Variants in MRPL34 observed in about 807,000 individuals in gnomAD.
MRPL34 encodes large ribosomal subunit protein bL34m.
In MRPL34, 8 loss-of-function variants were observed where a neutral mutation model predicts 6.7. The observed-to-expected ratio is 1.20, with a 90% confidence interval of 0.70 to 2.16. MRPL34 has a LOEUF of 2.16. Among genes scored for constraint, MRPL34 ranks in the 30% most tolerant of loss-of-function variants. The pLI, the probability that MRPL34 is intolerant of heterozygous loss-of-function variation, is 0.00. For synonymous variants in MRPL34, 59 were observed against 55.1 expected, an observed-to-expected ratio of 1.07 and a Z score of -0.31; for missense variants, 146 against 125.5, an observed-to-expected ratio of 1.16 and a Z score of -0.78.
chr19:17,295,852 C>G (rs184907187), intron 1 of MRPL34, among the ~76,000 whole-genome samples: 43 of 152,294 alleles, frequency 2.8e-4, no homozygotes, highest in Non-Finnish European at 5.0e-4. Context: ...GGACTACAGG[C>G]ATGTGCCACC....
At position 17,306,198 on chromosome 19, in the gene MRPL34, C is replaced by G; in HGVS notation, c.98C>G (p.Pro33Arg). 3 of 1,547,346 alleles carry G rather than the reference C, an allele frequency of 1.9e-6. No individual in the cohort carries two copies. Among genetic ancestry groups the G allele is most frequent in the Non-Finnish European group, 2.6e-6 (3 of 1,147,438 alleles). ...CAGCCCCGGGCCTGGCTGGGGTTCCCAGACGCCTGGGGCCTCCCCACCCCG... is the reference window on the plus strand; with the variant it reads ...CAGCCCCGGGCCTGGCTGGGGTTCCGAGACGCCTGGGGCCTCCCCACCCCG... Reference protein sequence around the residue: ...WLQPRAWLGFPDAWGLPTPQQ... With the variant: ...WLQPRAWLGFRDAWGLPTPQQ... Residue 33 changes from proline to arginine, a missense_variant, in exon 2 of 2, where the codon CCA becomes CGA. Transcript: ENST00000252602.
At chr19:17,303,357 G>A (rs957345706), upstream of MRPL34, 4 of 152,260 alleles carry the variant, frequency 2.6e-5, no homozygotes, top group African/African-American at 4.8e-5. Context: ...GTGCGTCTAC[G>A]CGGGCGGGCA....
upstream of MRPL34, among the ~76,000 whole-genome samples, chr19:17,301,932 T>A (rs564047265): frequency 2.0e-5 from 3 of 152,256 alleles, no homozygotes; most frequent in Non-Finnish European, 4.4e-5. Context: ...TAGCTGGGAT[T>A]ATAGGCAGGT....
chr19:17,301,536 G>C (rs1164510718), upstream of MRPL34: 4 of 1,609,984 alleles, frequency 2.5e-6, no homozygotes, highest in Non-Finnish European at 3.4e-6. Flanking sequence ...CGCTGGACTC[G>C]ACGCTCTCCA....
At chr19:17,299,239 C>CA (rs1157758593), upstream of MRPL34, among the ~76,000 whole-genome samples, 2 of 144,252 alleles carry the variant, frequency 1.4e-5, no homozygotes, top group Non-Finnish European at 3.1e-5. Flanking sequence ...ATGAGACCCC[C>CA]CCCCCATTCT....
At chr19:17,292,619 C>A (rs1006058450) in exon 1 of MRPL34, 5 of 1,563,340 alleles carry the variant, frequency 3.2e-6, no homozygotes, top group Non-Finnish European at 4.3e-6. Flanking sequence ...CCTCCTCCTG[C>A]TGCGGCTGTG....
chr19:17,304,127 G>A (rs976164001), upstream of MRPL34, among the ~76,000 whole-genome samples: 3 of 152,228 alleles, frequency 2.0e-5, no homozygotes, highest in East Asian at 5.8e-4. Context: ...GGAAAGTCTT[G>A]GAGCTGTGGG....
intron 1 of MRPL34, among the ~76,000 whole-genome samples, chr19:17,295,153 C>T (rs1482620385): frequency 2.3e-5 from 3 of 132,522 alleles, no homozygotes; most frequent in Non-Finnish European, 4.6e-5. Flanking sequence ...GGCCGGACTG[C>T]GGACTGCAGT....
chr19:17,301,316 C>T, upstream of MRPL34: 1 of 1,607,422 alleles, frequency 6.2e-7, no homozygotes, highest in South Asian at 1.1e-5. Context: ...AGGAGGTCGG[C>T]TCGAGGGGCT....
At position 17,306,261 on chromosome 19, in the gene MRPL34, A is replaced by G. The variant is rs372170364; in HGVS notation, c.161A>G (p.Gln54Arg). 9 of 1,601,324 alleles carry G rather than the reference A, an allele frequency of 5.6e-6. No individual in the cohort carries two copies. The highest frequency in any genetic ancestry group is 7.7e-6 in the Non-Finnish European group (9 of 1,174,880). The change falls in exon 2 of 2, where the codon CAG (glutamine) becomes CGG (arginine). Residue 54 changes from glutamine (Q) to arginine (R), a missense_variant. By Grantham distance (43) the Gln-to-Arg change is conservative. Coordinates refer to ENST00000252602, the MANE Select transcript of MRPL34 (RefSeq NM_023937.4). ...GGCAAGGCTCGCGGGAATGAGTATC[A>G]GCCGAGCAACATCAAACGCAAGAAC... ...ARGKARGNEY[Q>R]PSNIKRKNKH... is the part of the protein sequence containing the mutation.
upstream of MRPL34, chr19:17,302,148 C>G (rs1219725475): frequency 6.6e-6 from 1 of 152,280 alleles, no homozygotes; most frequent in African/African-American, 2.4e-5. Context: ...TCACCCTAGT[C>G]TATCCTCAGA....
upstream of MRPL34, among the ~76,000 whole-genome samples, chr19:17,304,936 T>C (rs2145664740): frequency 6.6e-6 from 1 of 152,206 alleles, no homozygotes. Context: ...GTTGCTACCA[T>C]GTCCCCAGGC....
chr19:17,300,104 C>T (rs902631068), upstream of MRPL34, among the ~76,000 whole-genome samples: 1 of 151,650 alleles, frequency 6.6e-6, no homozygotes, highest in Non-Finnish European at 1.5e-5. Context: ...CAGGGTTTCA[C>T]CGTGTTAGCC....
chr19:17,292,932 A>G (rs1373429996), intron 1 of MRPL34: 2 of 1,322,458 alleles, frequency 1.5e-6, no homozygotes, highest in Non-Finnish European at 1.0e-6. Flanking sequence ...ACAGCATCCA[A>G]AAGTCCCTCC....
upstream of MRPL34, chr19:17,305,777 G>C: frequency 9.8e-7 from 1 of 1,015,992 alleles, no homozygotes; most frequent in East Asian, 2.4e-5. Flanking sequence ...TTCCCCAACG[G>C]CCTCTTTTTT....
In MRPL34 at chr19:17,306,274, C is replaced by G. The variant is rs2074147632; in HGVS notation, c.174C>G (p.Ile58Met). ...GGAATGAGTATCAGCCGAGCAACAT[C>G]AAACGCAAGAACAAGCACGGCTGGG... ...ARGNEYQPSNIKRKNKHGWVR... is the reference protein window; with the variant it reads ...ARGNEYQPSNMKRKNKHGWVR... The change falls in exon 2 of 2, where the codon ATC becomes ATG. Residue 58 changes from isoleucine (I) to methionine (M), a missense_variant. By Grantham distance (10) the Ile-to-Met change is conservative. Coordinates refer to ENST00000252602, the MANE Select transcript of MRPL34 (RefSeq NM_023937.4). 6.2e-7 allele frequency: 1 copy of G among 1,607,878 alleles called. No individual in the cohort carries two copies. The highest frequency in any genetic ancestry group is 8.5e-7 in the Non-Finnish European group (1 of 1,177,970).
At chr19:17,294,979 A>G in intron 1 of MRPL34, 1 of 1,108,350 alleles carries the variant, frequency 9.0e-7, no homozygotes. Context: ...GCTGGAATGC[A>G]GTGGCTCCAT....
upstream of MRPL34, chr19:17,300,835 C>T (rs913675091): frequency 1.3e-6 from 2 of 1,566,908 alleles, no homozygotes; most frequent in East Asian, 2.3e-5. Flanking sequence ...ACCCCCACCC[C>T]ACATGCCAGG....
rs1485793184 is a variant in MRPL34, at chr19:17,306,220, C to T, written c.120C>T (p.Thr40=). ...LGFPDAWGLP[T]PQQARGKARG... The stretch of plus-strand genomic sequence containing the variant: ...TCCCAGACGCCTGGGGCCTCCCCAC[C>T]CCGCAGCAGGCCCGGGGCAAGGCTC... Residue 40 remains threonine, a synonymous_variant, in exon 2 of 2, where the codon ACC becomes ACT. Transcript: ENST00000252602. The T allele has an allele frequency of 1.9e-6, 3 of 1,564,170 alleles. No homozygotes were observed. Among genetic ancestry groups the T allele is most frequent in the Non-Finnish European group, 2.6e-6 (3 of 1,154,944 alleles).
Sources: gnomAD v4.1 joint callset for allele counts (sites outside exome capture counted in the v4.1 genomes callset) on GRCh38, gnomAD v4.1.1 for gene constraint, MANE v1.5 for transcripts, NCBI Gene and HGNC (gene_info 2026-07-23, HGNC 2026-07-21) for gene names.